The following H2BK1 variants were observed in gnomAD, a reference collection of about 807,000 sequenced individuals.
H2BK1 encodes H2B.K variant histone 1.
the H2BK1 span, chr7:151,210,188 T>G: frequency 2.5e-6 from 1 of 399,142 alleles, no homozygotes; most frequent in African/African-American, 2.1e-5. Context: ...TGCACTCACC[T>G]GCTTCAGCAC....
chr7:151,210,241 C>T, the H2BK1 span: 1 of 399,268 alleles, frequency 2.5e-6, no homozygotes, highest in Non-Finnish European at 4.4e-6. Context: ...GCCGACAGCG[C>T]TTTTTGGACT....
the H2BK1 span, among the ~76,000 whole-genome samples, chr7:151,208,461 T>C: frequency 1.3e-5 from 2 of 152,240 alleles, no homozygotes; most frequent in African/African-American, 4.8e-5. Context: ...TTCCACGGTA[T>C]GGATGTATCA....
At chr7:151,209,320 G>C in the H2BK1 span, among the ~76,000 whole-genome samples, 1 of 144,444 alleles carries the variant, frequency 6.9e-6, no homozygotes, top group Non-Finnish European at 1.5e-5. Context: ...CCCCACAAGA[G>C]CATTCCCAGG....
At chr7:151,208,287 TC>T in the H2BK1 span, among the ~76,000 whole-genome samples, 1 of 152,266 alleles carries the variant, frequency 6.6e-6, no homozygotes. Context: ...ATTTGTGTTT[TC>T]TTTGTACTGC....
At chr7:151,209,053 G>A in the H2BK1 span, among the ~76,000 whole-genome samples, 1 of 136,604 alleles carries the variant, frequency 7.3e-6, no homozygotes, top group South Asian at 2.4e-4. Flanking sequence ...AACCCCCTCT[G>A]CTGTCAGCAC....
chr7:151,208,541 T>C, the H2BK1 span, among the ~76,000 whole-genome samples: 1 of 152,236 alleles, frequency 6.6e-6, no homozygotes, highest in African/African-American at 2.4e-5. Context: ...TTGTTGTTTT[T>C]GCTATTAGAT....
At chr7:151,210,106 C>T in the H2BK1 span, 2 of 396,902 alleles carry the variant, frequency 5.0e-6, no homozygotes, top group Non-Finnish European at 8.9e-6. Flanking sequence ...ACACTAACCT[C>T]AAGGTCCCCA....
the H2BK1 span, among the ~76,000 whole-genome samples, chr7:151,208,872 G>C: frequency 6.6e-6 from 1 of 152,212 alleles, no homozygotes; most frequent in Non-Finnish European, 1.5e-5. Context: ...TGAGTAGGTA[G>C]ACCTGGTCAG....
At chr7:151,209,383 G>C in the H2BK1 span, among the ~76,000 whole-genome samples, 1 of 151,948 alleles carries the variant, frequency 6.6e-6, no homozygotes, top group Non-Finnish European at 1.5e-5. Flanking sequence ...CTGGAGACAG[G>C]CATTACCTCT....
At chr7:151,208,070 C>T in the H2BK1 span, 2 of 1,614,086 alleles carry the variant, frequency 1.2e-6, no homozygotes, top group African/African-American at 1.3e-5. Context: ...GTTCATGATG[C>T]TCATGGCCTT....
chr7:151,209,009 A>G, the H2BK1 span, among the ~76,000 whole-genome samples: 1 of 125,494 alleles, frequency 8.0e-6, no homozygotes, highest in Non-Finnish European at 1.6e-5. Context: ...TGCCAGCAGC[A>G]AATCTGCACC....
At chr7:151,208,175 C>G in the H2BK1 span, 2 of 1,524,026 alleles carry the variant, frequency 1.3e-6, no homozygotes, top group Non-Finnish European at 1.8e-6. Context: ...GCCTACACTG[C>G]AAGCCTCAGC....
chr7:151,208,019 G>A, the H2BK1 span: 5 of 1,607,220 alleles, frequency 3.1e-6, no homozygotes, highest in East Asian at 1.1e-4. Context: ...CAGCCGGGCA[G>A]CCTCACACGC....
the H2BK1 span, among the ~76,000 whole-genome samples, chr7:151,208,461 T>A: frequency 6.6e-6 from 1 of 152,240 alleles, no homozygotes; most frequent in Non-Finnish European, 1.5e-5. Flanking sequence ...TTCCACGGTA[T>A]GGATGTATCA....
chr7:151,208,173 TGCAA>T, the H2BK1 span: 10 of 1,535,144 alleles, frequency 6.5e-6, 1 homozygote, highest in South Asian at 1.0e-4. Flanking sequence ...CTGCCTACAC[TGCAA>T]GCCTCAGCCC....
At chr7:151,209,290 C>T in the H2BK1 span, among the ~76,000 whole-genome samples, 1 of 152,060 alleles carries the variant, frequency 6.6e-6, no homozygotes, top group Admixed American at 6.6e-5. Flanking sequence ...CATATCAGTG[C>T]TGGACCCACC....
the H2BK1 span, among the ~76,000 whole-genome samples, chr7:151,209,427 A>G: frequency 5.3e-5 from 8 of 152,188 alleles, no homozygotes; most frequent in African/African-American, 9.6e-5. Flanking sequence ...AAGAGTTTCA[A>G]GCAGGTTGGA....
the H2BK1 span, chr7:151,208,084 A>C: frequency 6.2e-7 from 1 of 1,614,106 alleles, no homozygotes; most frequent in Non-Finnish European, 8.5e-7. Context: ...TGGCCTTGGC[A>C]GAGATGCCAA....
At chr7:151,209,092 G>C in the H2BK1 span, among the ~76,000 whole-genome samples, 1 of 151,520 alleles carries the variant, frequency 6.6e-6, no homozygotes, top group Non-Finnish European at 1.5e-5. Flanking sequence ...CTCTCACCCA[G>C]ATCAGGAGGT....
Sources: gnomAD v4.1 joint callset for allele counts (sites outside exome capture counted in the v4.1 genomes callset) on GRCh38, gnomAD v4.1.1 for gene constraint, MANE v1.5 for transcripts, NCBI Gene and HGNC (gene_info 2026-07-23, HGNC 2026-07-21) for gene names.